CLEC4D: variants seen among roughly 807,000 people sequenced by gnomAD.
CLEC4D encodes the protein C-type (calcium dependent, carbohydrate-recognition domain) lectin, superfamily member 8.
CLEC4D carries 21 observed loss-of-function variants against 21.1 expected under a neutral mutation model. That is an observed-to-expected ratio of 1.00 (90% confidence interval 0.71 to 1.43). CLEC4D has a LOEUF of 1.43. Among genes scored for constraint, CLEC4D ranks in the 40% most tolerant of loss-of-function variants. The pLI is 0.00. For missense variants in CLEC4D, 289 were observed against 260.7 expected (o/e 1.11, Z -0.75); for synonymous variants, 85 against 83.1 (o/e 1.02, Z -0.12).
intron 2 of CLEC4D, among the ~76,000 whole-genome samples, chr12:8,517,239 T>TA (rs1184960147): frequency 6.6e-6 from 1 of 152,216 alleles, no homozygotes; most frequent in African/African-American, 2.4e-5. Flanking sequence ...GTGTTCACCT[T>TA]ACAATAATTT....
chr12:8,521,548 T>C lies in CLEC4D; in HGVS notation c.*277T>C, dbSNP rs767508754. 7.7e-6 allele frequency: 3 copies of C among 387,464 alleles called. No homozygotes were observed. Among genetic ancestry groups the C allele is most frequent in the Non-Finnish European group, 1.2e-5 (3 of 248,842 alleles). 24.0% of individuals were successfully genotyped at this position (387,464 alleles called of 1,614,324 possible). Reference sequence around the variant, plus strand: ...TATTTCAAGGTGTTTACTTTTCAATTGGTGTGCACTGAATGCATGTATGGA... The same window carrying C: ...TATTTCAAGGTGTTTACTTTTCAATCGGTGTGCACTGAATGCATGTATGGA... On this transcript the variant is annotated 3_prime_UTR_variant, in exon 6 of 6. Coordinates refer to ENST00000299665, the MANE Select transcript of CLEC4D (RefSeq NM_080387.5).
Position 8,513,633 on chromosome 12 carries a change from T to C in CLEC4D, c.-100T>C, listed in dbSNP as rs1940336835. The C allele has an allele frequency of 1.4e-6, 1 of 695,334 alleles. No homozygotes were observed. Among genetic ancestry groups the C allele is most frequent in the Non-Finnish European group, 2.6e-6 (1 of 380,546 alleles). The allele number at this position is 695,334 out of a possible 1,614,324, so 43.1% of individuals were successfully genotyped here. A position where few individuals can be genotyped will look rare whatever the true frequency, so the allele number is the denominator to read the frequency against. On this transcript the variant is annotated 5_prime_UTR_variant, in exon 1 of 6. Coordinates refer to ENST00000299665, the MANE Select transcript of CLEC4D (RefSeq NM_080387.5). ...AACATTGGTGTTCGATCTCAAGTAT[T>C]TCTGAATATATTCCCCTATCCACAG...
intron 1 of CLEC4D, among the ~76,000 whole-genome samples, 198 bp downstream of exon 1, chr12:8,513,958 A>G (rs994096692): frequency 1.3e-5 from 2 of 152,278 alleles, no homozygotes; most frequent in Admixed American, 6.5e-5. Flanking sequence ...TATAAAATGT[A>G]TATTGGACCA....
At chr12:8,524,769 T>C (rs1402540241), downstream of CLEC4D, among the ~76,000 whole-genome samples, 1 of 152,216 alleles carries the variant, frequency 6.6e-6, no homozygotes, top group Non-Finnish European at 1.5e-5. Flanking sequence ...ATTGCTTCTT[T>C]AGTCCTTTTA....
chr12:8,528,867 A>G, the CLEC4D span, among the ~76,000 whole-genome samples: 3 of 151,464 alleles, frequency 2.0e-5, no homozygotes, highest in Non-Finnish European at 4.4e-5. Flanking sequence ...TATACTATAT[A>G]TAAACTATGT....
At chr12:8,528,132 G>A in the CLEC4D span, among the ~76,000 whole-genome samples, 1 of 152,220 alleles carries the variant, frequency 6.6e-6, no homozygotes, top group Admixed American at 6.5e-5. Context: ...TGAGAGGTGG[G>A]GCATTTAAGA....
the CLEC4D span, among the ~76,000 whole-genome samples, chr12:8,530,451 C>T: frequency 2.8e-5 from 2 of 71,058 alleles, no homozygotes; most frequent in African/African-American, 6.2e-5. Context: ...GTAATTATAT[C>T]AAGAAAGCAA....
chr12:8,516,052 G>T (rs1043884353), intron 2 of CLEC4D, among the ~76,000 whole-genome samples: 4 of 152,040 alleles, frequency 2.6e-5, no homozygotes, highest in Non-Finnish European at 5.9e-5. Flanking sequence ...ATGTTGCAGA[G>T]CCCATTGATT....
At chr12:8,527,144 C>T (rs1940513076), downstream of CLEC4D, among the ~76,000 whole-genome samples, 1 of 152,176 alleles carries the variant, frequency 6.6e-6, no homozygotes, top group Admixed American at 6.5e-5. Context: ...GGGTGTCTGA[C>T]AACCCCTGTT....
At position 8,515,246 on chromosome 12, in the gene CLEC4D, C is replaced by A; in HGVS notation, c.39C>A (p.Gly13=). The A allele has an allele frequency of 7.0e-7, 1 of 1,419,846 alleles. No homozygotes were observed. The highest frequency in any genetic ancestry group is 1.0e-6 in the Non-Finnish European group (1 of 1,003,180). The allele number at this position is 1,419,846 out of a possible 1,614,324, so 88.0% of individuals were successfully genotyped here. ...LEKPQSKLEG[G]MHPQLIPSVI... ...TTCTTTTGGTCCTAGTGGAAGGAGG[C>A]ATGCATCCCCAGCTGATACCTTCGG... The change falls in exon 2 of 6, where the codon GGC becomes GGA. Residue 13 remains glycine, a synonymous_variant. Transcript: ENST00000299665.
chr12:8,526,103 C>A (rs1940503757), downstream of CLEC4D, among the ~76,000 whole-genome samples: 1 of 152,160 alleles, frequency 6.6e-6, no homozygotes. Context: ...GCCTTTCTCT[C>A]TGGCTGCCTT....
the CLEC4D span, among the ~76,000 whole-genome samples, chr12:8,528,986 C>A: frequency 6.6e-6 from 1 of 151,910 alleles, no homozygotes; most frequent in South Asian, 2.1e-4. Context: ...TATTCTTAAA[C>A]ATTTGCATTT....
downstream of CLEC4D, among the ~76,000 whole-genome samples, chr12:8,524,840 C>G (rs1450621943): frequency 6.6e-6 from 1 of 152,202 alleles, no homozygotes; most frequent in Non-Finnish European, 1.5e-5. Context: ...GCATTTAGTG[C>G]TATAAATTTC....
Position 8,520,235 on chromosome 12 carries a change from A to G in CLEC4D, c.394A>G (p.Ile132Val), listed in dbSNP as rs1397355115. 3 of 1,613,788 alleles carry G rather than the reference A, an allele frequency of 1.9e-6. No individual in the cohort carries two copies. In the South Asian group the frequency reaches 3.3e-5, roughly 18 times the overall value. Residue 132 changes from isoleucine (I) to valine (V), a missense_variant, in exon 5 of 6, where the codon ATT (isoleucine) becomes GTT (valine). Coordinates refer to ENST00000299665, the MANE Select transcript of CLEC4D (RefSeq NM_080387.5). Reference sequence around the variant, plus strand: ...TTACATTTTTATGCAGAACTTTATTATTCAGTTTCTGGATAGACGGCTTTC... The same window carrying G: ...TTACATTTTTATGCAGAACTTTATTGTTCAGTTTCTGGATAGACGGCTTTC... ...ISTEAEQNFI[I>V]QFLDRRLSYF...
Position 8,513,585 on chromosome 12 carries a change from T to C in CLEC4D, c.-148T>C. On this transcript the variant is annotated 5_prime_UTR_variant, in exon 1 of 6. Transcript: ENST00000299665. ...GAGCTAACTTTCTTATACTGGTACCTTTCTAATCTCACTACAATATGTAAC... is the reference window on the plus strand; with the variant it reads ...GAGCTAACTTTCTTATACTGGTACCCTTCTAATCTCACTACAATATGTAAC... 2 of 483,600 alleles carry C rather than the reference T, an allele frequency of 4.1e-6. No individual in the cohort carries two copies. Among genetic ancestry groups the C allele is most frequent in the Admixed American group, 6.1e-5 (2 of 33,038 alleles). 30.0% of individuals were successfully genotyped at this position (483,600 alleles called of 1,614,324 possible). A position where few individuals can be genotyped will look rare whatever the true frequency, so the allele number is the denominator to read the frequency against.
chr12:8,518,669 T>G (rs1940415330), intron 3 of CLEC4D, among the ~76,000 whole-genome samples: 1 of 152,240 alleles, frequency 6.6e-6, no homozygotes, highest in South Asian at 2.1e-4. Flanking sequence ...TTTAGTAGGT[T>G]CTTTACCCAC....
chr12:8,514,747 C>T (rs1265177823), intron 1 of CLEC4D, among the ~76,000 whole-genome samples: 2 of 151,986 alleles, frequency 1.3e-5, no homozygotes, highest in African/African-American at 4.8e-5. Context: ...TTTACAGTTC[C>T]CTGATTGGGC....
rs1361773113 is a variant in CLEC4D at position 8,513,674 on chromosome 12, G to A, written c.-59G>A. The A allele has an allele frequency of 1.1e-5, 9 of 845,770 alleles. No homozygotes were observed. Among genetic ancestry groups the A allele is most frequent in the Non-Finnish European group, 1.8e-5 (9 of 488,612 alleles). The allele number at this position is 845,770 out of a possible 1,614,324, so 52.4% of individuals were successfully genotyped here. On this transcript the variant is annotated 5_prime_UTR_variant, in exon 1 of 6. Transcript: ENST00000299665. ...CTATCCACAGAAATATACTCTGGGG[G>A]AAAAAAAATAGAACAAATTCTTGCC...
intron 1 of CLEC4D, among the ~76,000 whole-genome samples, chr12:8,514,189 A>G (rs996572406): frequency 1.3e-5 from 2 of 150,920 alleles, no homozygotes; most frequent in African/African-American, 4.8e-5. Flanking sequence ...AGATATATAG[A>G]ACAAGTGTGG....
Sources: allele counts gnomAD v4.1 joint callset (sites outside exome capture counted in the v4.1 genomes callset), GRCh38; gene constraint gnomAD v4.1.1; transcripts MANE v1.5; gene names NCBI Gene and HGNC (gene_info 2026-07-23, HGNC 2026-07-21).